The following TOLLIP variants were observed in gnomAD, a reference collection of about 807,000 sequenced individuals.
TOLLIP encodes toll interacting protein.
In TOLLIP, 16 loss-of-function variants were observed where a neutral mutation model predicts 33.5. The ratio of observed to expected loss-of-function variants is 0.48; its 90% CI spans 0.32 to 0.72. The LOEUF (loss-of-function observed/expected upper bound fraction) is 0.72. Ranked by LOEUF, TOLLIP falls within the 30% of genes least tolerant of loss-of-function variation. TOLLIP has a pLI of 0.03. For missense variants in TOLLIP, 325 were observed against 396.6 expected (o/e 0.82, Z 1.53); for synonymous variants, 176 against 163.7 (o/e 1.07, Z -0.57).
chr11:1,306,614 G>A (rs1864429774), intron 1 of TOLLIP, among the ~76,000 whole-genome samples: 1 of 152,140 alleles, frequency 6.6e-6, no homozygotes, highest in African/African-American at 2.4e-5. Context: ...TAGTAACTGG[G>A]TAAAGGCCCA....
chr11:1,307,247 T>C (rs1363751183), intron 1 of TOLLIP, among the ~76,000 whole-genome samples: 13 of 152,324 alleles, frequency 8.5e-5, no homozygotes, highest in African/African-American at 2.9e-4. Context: ...CATGTTACTA[T>C]GCGTTTACCG....
chr11:1,309,482 C>G lies in TOLLIP; in HGVS notation c.17G>C (p.Ser6Thr). The change falls in exon 1 of 6, where the codon AGC becomes ACC. Residue 6 changes from serine (S) to threonine (T), a missense_variant. Ser to Thr is a moderately conservative substitution (Grantham distance 58, BLOSUM62 1). Coordinates refer to ENST00000317204, the MANE Select transcript of TOLLIP (RefSeq NM_019009.4). MATTV[S>T]TQRGPVYIGE... ...CTGCCTCACCGGCCCGCGCTGAGTG[C>G]TGACGGTGGTCGCCATGGTGCTGCG... 1 of 1,341,330 alleles carries G rather than the reference C, an allele frequency of 7.5e-7. No individual in the cohort carries two copies. Among genetic ancestry groups the G allele is most frequent in the Non-Finnish European group, 9.6e-7 (1 of 1,040,330 alleles). 83.1% of individuals were successfully genotyped at this position (1,341,330 alleles called of 1,614,324 possible).
chr11:1,286,104 C>T lies in TOLLIP; in HGVS notation c.520-12G>A, dbSNP rs375809794. 8.3e-5 allele frequency: 131 copies of T among 1,582,022 alleles called. 1 individual carries two copies. In the South Asian group the frequency reaches 8.8e-4, roughly 11 times the overall value. ...GCAGCTGGAAGCAGCTGAAACACAG[C>T]GGAGATGGTCCCGGGGTCAAGGAGG... On this transcript the variant is annotated splice_polypyrimidine_tract_variant and intron_variant, in intron 4 of 5. Coordinates refer to ENST00000317204, the MANE Select transcript of TOLLIP (RefSeq NM_019009.4).
rs142260383 is a variant in TOLLIP at position 1,276,630 on chromosome 11, T to C, written c.*409A>G. 3.1e-6 allele frequency: 4 copies of C among 1,283,254 alleles called. No individual in the cohort carries two copies. In the Admixed American group the frequency reaches 6.9e-5, roughly 22 times the overall value. 79.5% of individuals were successfully genotyped at this position (1,283,254 alleles called of 1,614,324 possible). Reference sequence around the variant, plus strand: ...AACCCACAGTGTGAGGGATTGTGTGTGCCTTAAATCAACAGCTCTATTCCA... The same window carrying C: ...AACCCACAGTGTGAGGGATTGTGTGCGCCTTAAATCAACAGCTCTATTCCA... On this transcript the variant is annotated 3_prime_UTR_variant, in exon 6 of 6. Coordinates refer to ENST00000317204, the MANE Select transcript of TOLLIP (RefSeq NM_019009.4).
At chr11:1,300,961 A>C (rs1388416517) in intron 1 of TOLLIP, among the ~76,000 whole-genome samples, 1 of 152,256 alleles carries the variant, frequency 6.6e-6, no homozygotes, top group Non-Finnish European at 1.5e-5. Context: ...TGTGCCACGC[A>C]TGCACCTGCA....
In TOLLIP at chr11:1,286,150, T is replaced by C. The variant is rs576222040; in HGVS notation, c.520-58A>G. The C allele has an allele frequency of 4.4e-6, 6 of 1,376,066 alleles. No homozygotes were observed. In the African/African-American group the frequency reaches 8.5e-5, roughly 20 times the overall value. The allele number at this position is 1,376,066 out of a possible 1,614,324, so 85.2% of individuals were successfully genotyped here. A position where few individuals can be genotyped will look rare whatever the true frequency, so the allele number is the denominator to read the frequency against. On this transcript the variant is annotated intron_variant, in intron 4 of 5. Coordinates refer to ENST00000317204, the MANE Select transcript of TOLLIP (RefSeq NM_019009.4). Reference sequence around the variant, plus strand: ...GGAGGAACATCCACCCATCAGAACCTCGGGAATCGCCCTCCCCACAATTGC... The same window carrying C: ...GGAGGAACATCCACCCATCAGAACCCCGGGAATCGCCCTCCCCACAATTGC...
Position 1,277,021 on chromosome 11 carries a change from G to A in TOLLIP, c.*18C>T, listed in dbSNP as rs192753547. The A allele has an allele frequency of 1.9e-6, 3 of 1,609,608 alleles. No individual in the cohort carries two copies. Among genetic ancestry groups the A allele is most frequent in the African/African-American group, 1.3e-5 (1 of 74,982 alleles). ...CGTGTCCAAAGAGCGGGGGCAAAAC[G>A]GCATCGAGGCAGAGGCTCTATGGCT... is the stretch of plus-strand genomic sequence containing the variant. On this transcript the variant is annotated 3_prime_UTR_variant, in exon 6 of 6. Transcript: ENST00000317204. The surrounding 1 kb of genome is among the most constrained non-coding windows in gnomAD (Gnocchi z 4.2).
Position 1,295,684 on chromosome 11 carries a change from TGC to T in TOLLIP, c.142_143del (p.Ala48SerfsTer54). The T allele has an allele frequency of 6.2e-7, 1 of 1,607,370 alleles. No homozygotes were observed. Among genetic ancestry groups the T allele is most frequent in the Non-Finnish European group, 8.5e-7 (1 of 1,175,948 alleles). On this transcript the variant is annotated frameshift_variant, in exon 2 of 6. Coordinates refer to ENST00000317204, the MANE Select transcript of TOLLIP (RefSeq NM_019009.4). LOFTEE classifies it high-confidence loss of function. The part of the protein sequence containing the change: ...QAAQQLQYGG[A>X]VGTVGRLNIT... ...TGTTCAGTCGGCCCACGGTGCCCAC[TGC>T]GCCTCCGTACTGCAGCTGCTGGGCC... is the stretch of plus-strand genomic sequence containing the variant.
chr11:1,306,412 G>A (rs1305687520), intron 1 of TOLLIP, among the ~76,000 whole-genome samples: 7 of 151,984 alleles, frequency 4.6e-5, no homozygotes, highest in Non-Finnish European at 8.8e-5. Flanking sequence ...GGGAGGCAAC[G>A]GCTAGACCAC....
At chr11:1,280,580 A>C (rs1863462287) in intron 5 of TOLLIP, among the ~76,000 whole-genome samples, 1 of 152,110 alleles carries the variant, frequency 6.6e-6, no homozygotes, top group Non-Finnish European at 1.5e-5. Flanking sequence ...GAACAGATGG[A>C]AACAGCGTCA....
At chr11:1,287,376 A>C (rs2133896068) in intron 4 of TOLLIP, among the ~76,000 whole-genome samples, 1 of 149,402 alleles carries the variant, frequency 6.7e-6, no homozygotes, top group East Asian at 2.0e-4. Context: ...ATGGCCCAGA[A>C]AAGCAGCTCC....
Position 1,286,013 on chromosome 11 carries a change from A to G in TOLLIP, c.599T>C (p.Val200Ala). Residue 200 changes from valine to alanine, a missense_variant, in exon 5 of 6, where the codon GTG becomes GCG. Coordinates refer to ENST00000317204, the MANE Select transcript of TOLLIP (RefSeq NM_019009.4). The stretch of plus-strand genomic sequence containing the variant: ...GGGAGCACACGCACCTGTGATGGGC[A>G]CATAGCCAACGCCCTGCTGGTACAC... Reference protein sequence around the residue: ...PTVYQQGVGYVPITGMPAVCS... With the variant: ...PTVYQQGVGYAPITGMPAVCS... The G allele has an allele frequency of 6.3e-7, 1 of 1,593,750 alleles. No homozygotes were observed. The highest frequency in any genetic ancestry group is 8.5e-7 in the Non-Finnish European group (1 of 1,171,288).
intron 5 of TOLLIP, among the ~76,000 whole-genome samples, chr11:1,282,181 G>A (rs765365888): frequency 2.6e-5 from 4 of 152,216 alleles, no homozygotes; most frequent in Non-Finnish European, 4.4e-5. Context: ...AGAGCCTGGG[G>A]CTTCCTGCAG....
At chr11:1,279,840 G>A (rs1863437070) in intron 5 of TOLLIP, among the ~76,000 whole-genome samples, 1 of 152,212 alleles carries the variant, frequency 6.6e-6, no homozygotes, top group East Asian at 1.9e-4. Flanking sequence ...AGTCCCGGCC[G>A]CCGGTGGGCA....
chr11:1,289,588 G>T (rs5743960), intron 3 of TOLLIP, among the ~76,000 whole-genome samples: 1 of 152,176 alleles, frequency 6.6e-6, no homozygotes, highest in South Asian at 2.1e-4. Flanking sequence ...GCTGGTGAGC[G>T]GCCGGACCCT....
intron 1 of TOLLIP, chr11:1,302,748 T>C: frequency 1.0e-6 from 1 of 985,620 alleles, no homozygotes; most frequent in Non-Finnish European, 1.2e-6. Flanking sequence ...ATAAGTGGCA[T>C]TTCATGCAAC....
chr11:1,288,611 G>C lies in TOLLIP; in HGVS notation c.519+13C>G. The C allele has an allele frequency of 6.2e-7, 1 of 1,605,590 alleles. No individual in the cohort carries two copies. The highest frequency in any genetic ancestry group is 8.5e-7 in the Non-Finnish European group (1 of 1,175,602). On this transcript the variant is annotated intron_variant, in intron 4 of 5. Transcript: ENST00000317204. ...CCCCAATGCGCCCCACCCCGCCCAG[G>C]CGTGCAGCTCACCGCGTAGGACATG...
intron 1 of TOLLIP, among the ~76,000 whole-genome samples, chr11:1,308,290 G>A (rs1864471118): frequency 6.6e-6 from 1 of 152,176 alleles, no homozygotes; most frequent in African/African-American, 2.4e-5. Flanking sequence ...ACAAGATCTG[G>A]TCATTACAGT....
chr11:1,281,561 G>T (rs375415946), intron 5 of TOLLIP, among the ~76,000 whole-genome samples: 3 of 152,308 alleles, frequency 2.0e-5, no homozygotes, highest in African/African-American at 7.2e-5. Flanking sequence ...TCTGGGCAGC[G>T]ATCAGCAGGC....
Sources: gnomAD v4.1 joint callset for allele counts (sites outside exome capture counted in the v4.1 genomes callset) on GRCh38, gnomAD v4.1.1 for gene constraint, Gnocchi (gnomAD v3.1) non-coding constraint, MANE v1.5 for transcripts, NCBI Gene and HGNC (gene_info 2026-07-23, HGNC 2026-07-21) for gene names.